The following WNK1 variants were observed in gnomAD, a reference collection of about 807,000 sequenced individuals.
WNK1 encodes the protein WNK lysine deficient protein kinase 1, also known as serine/threonine-protein kinase WNK1.
A neutral mutation model predicts 222.8 loss-of-function variants in WNK1; 38 were observed. That is an observed-to-expected ratio of 0.17 (90% confidence interval 0.13 to 0.22). WNK1 has a LOEUF of 0.22. Ranked by LOEUF, WNK1 falls within the 10% of genes least tolerant of loss-of-function variation. The probability of loss-of-function intolerance (pLI) is 1.00; values close to 1 mark genes in which losing one functional copy is unlikely to be tolerated. For missense variants in WNK1, 2,348 were observed against 2,918.4 expected (o/e 0.80, Z 4.50); for synonymous variants, 1,090 against 1,092.9 (o/e 1.00, Z 0.05).
intron 8 of WNK1, among the ~76,000 whole-genome samples, chr12:870,093 A>T (rs530268815): frequency 7.9e-5 from 12 of 152,226 alleles, no homozygotes; most frequent in Non-Finnish European, 1.8e-4. Flanking sequence ...ACATTTGGAT[A>T]TCCTACATAA....
At chr12:823,737 C>T (rs1386412530) in intron 2 of WNK1, among the ~76,000 whole-genome samples, 1 of 152,010 alleles carries the variant, frequency 6.6e-6, no homozygotes, top group Non-Finnish European at 1.5e-5. Flanking sequence ...CCTATTTAAC[C>T]ATGAGTTGAT....
chr12:846,676 T>A (rs1314164979), intron 4 of WNK1, among the ~76,000 whole-genome samples: 1 of 152,238 alleles, frequency 6.6e-6, no homozygotes, highest in African/African-American at 2.4e-5. Context: ...TTTGTGTAAT[T>A]TGACTTTGTC....
In WNK1 at chr12:832,845, T is replaced by C. The variant is rs923455319; in HGVS notation, c.1311+2685T>C. ...TTGGGCTGAATGGGGGCAGGAGAAA[T>C]TTTTTTATGCCTTCAGATGATTCTG... is the stretch of plus-strand genomic sequence containing the variant. On this transcript the variant is annotated intron_variant, in intron 4 of 27. Coordinates refer to ENST00000315939, the MANE Select transcript of WNK1 (RefSeq NM_018979.4). 3.9e-5 allele frequency among the ~76,000 whole-genome samples: 6 copies of C among 152,266 alleles called. No individual in the cohort carries two copies. In the South Asian group the frequency reaches 1.2e-3, roughly 32 times the overall value.
At chr12:793,000 A>G (rs1274603666) in intron 1 of WNK1, among the ~76,000 whole-genome samples, 1 of 152,176 alleles carries the variant, frequency 6.6e-6, no homozygotes, top group African/African-American at 2.4e-5. Flanking sequence ...ACAAGGTTTA[A>G]ATGAGACTAC....
Position 861,054 on chromosome 12 carries a change from G to A in WNK1, c.1662G>A (p.Met554Ile), listed in dbSNP as rs1321276112. The A allele has an allele frequency of 2.5e-6, 4 of 1,613,596 alleles. No homozygotes were observed. In the Admixed American group the frequency reaches 6.7e-5, roughly 27 times the overall value. ...TCTGTGAAGGTGATCACAAGACCAT[G>A]GCTAAAGCTATCAAAGACAGAGTAT... is the stretch of plus-strand genomic sequence containing the variant. The part of the protein sequence containing the change: ...GYVCEGDHKT[M>I]AKAIKDRVSL... Residue 554 changes from methionine (M) to isoleucine (I), a missense_variant, in exon 7 of 28, where the codon ATG (methionine) becomes ATA (isoleucine). Physicochemically the swap from Met to Ile is conservative, Grantham distance 10. Around this residue, in one of 13 missense-constraint regions of WNK1, gnomAD observed 103 missense variants for 111.5 expected, o/e 0.92. Coordinates refer to ENST00000315939, the MANE Select transcript of WNK1 (RefSeq NM_018979.4).
At chr12:781,722 T>C (rs1943730686) in intron 1 of WNK1, among the ~76,000 whole-genome samples, 1 of 152,306 alleles carries the variant, frequency 6.6e-6, no homozygotes, top group Admixed American at 6.5e-5. Context: ...TTGAAAGATA[T>C]TTTGTGGAGA....
chr12:829,752 A>T (rs954137534), intron 3 of WNK1, among the ~76,000 whole-genome samples: 15 of 152,240 alleles, frequency 9.9e-5, no homozygotes, highest in Non-Finnish European at 1.6e-4. Context: ...CATTTTACAC[A>T]GTAAATCAAT....
intron 9 of WNK1, among the ~76,000 whole-genome samples, chr12:876,858 G>T (rs983945492): frequency 6.6e-6 from 1 of 151,862 alleles, no homozygotes; most frequent in Non-Finnish European, 1.5e-5. Flanking sequence ...GGCCACTTAC[G>T]CATAGAAAAA....
chr12:767,250 T>TTG (rs1941857955), intron 1 of WNK1, among the ~76,000 whole-genome samples: 1 of 128,844 alleles, frequency 7.8e-6, no homozygotes, highest in Non-Finnish European at 1.6e-5. Flanking sequence ...TTTTTTTTTT[T>TTG]TTTTTTTTTT....
Position 883,829 on chromosome 12 carries a change from T to C in WNK1, c.3719T>C (p.Ile1240Thr). ...CCTGCGTCTTCCATGCCACAGCAAATAGGTGAATTTATTTTCTTTCCTTGT... is the reference window on the plus strand; with the variant it reads ...CCTGCGTCTTCCATGCCACAGCAAACAGGTGAATTTATTTTCTTTCCTTGT... ...PIPASSMPQQ[I>T]GIPTSSLTQV... is the part of the protein sequence containing the mutation. Residue 1240 changes from isoleucine (I) to threonine (T), a missense_variant and splice_region_variant, in exon 17 of 28, where the codon ATA becomes ACA. Physicochemically the swap from Ile to Thr is moderately conservative, Grantham distance 89 (BLOSUM62 -1). Coordinates refer to ENST00000315939, the MANE Select transcript of WNK1 (RefSeq NM_018979.4). The C allele has an allele frequency of 1.2e-6, 2 of 1,613,814 alleles. No homozygotes were observed. Among genetic ancestry groups the C allele is most frequent in the Non-Finnish European group, 1.7e-6 (2 of 1,180,004 alleles).
chr12:887,623 A>G (rs1953796347), intron 20 of WNK1, among the ~76,000 whole-genome samples: 1 of 152,188 alleles, frequency 6.6e-6, no homozygotes, highest in African/African-American at 2.4e-5. Flanking sequence ...CTTCTGTAGA[A>G]TAGCGAAATT....
At chr12:814,909 A>G (rs1052363297) in intron 2 of WNK1, among the ~76,000 whole-genome samples, 1 of 152,174 alleles carries the variant, frequency 6.6e-6, no homozygotes, top group African/African-American at 2.4e-5. Flanking sequence ...CAACTGTCCC[A>G]TCTGGGGGTG....
In WNK1 at chr12:757,901, T is replaced by C. The variant is rs573989952; in HGVS notation, c.759+3577T>C. Among the ~76,000 whole-genome samples the C allele has an allele frequency of 4.3e-4, 63 of 145,216 alleles. 1 individual carries two copies. The highest frequency in any genetic ancestry group is 7.4e-3 in the Middle Eastern group (2 of 272). ...AAATACAAAAATTAGCTGGGCGTGGTCCGCACGCCTGTAATCCCAGCTACT... is the reference window on the plus strand; with the variant it reads ...AAATACAAAAATTAGCTGGGCGTGGCCCGCACGCCTGTAATCCCAGCTACT... On this transcript the variant is annotated intron_variant, in intron 1 of 27. Transcript: ENST00000315939.
intron 2 of WNK1, among the ~76,000 whole-genome samples, chr12:814,233 G>T (rs1947148010): frequency 6.6e-6 from 1 of 151,456 alleles, no homozygotes; most frequent in Non-Finnish European, 1.5e-5. Context: ...GGAGGCTGAG[G>T]CAGGAGAATC....
In WNK1 at chr12:896,259, T is replaced by C. The variant is rs778088414; in HGVS notation, c.5772T>C (p.Ser1924=). Residue 1924 remains serine, a synonymous_variant, in exon 24 of 28, where the codon AGT becomes AGC. Transcript: ENST00000315939. ...GTATCTCTTCAGATGTGCCAGAGAGTGCCCACAAAACTACTGCCTCAGAGG... is the reference window on the plus strand; with the variant it reads ...GTATCTCTTCAGATGTGCCAGAGAGCGCCCACAAAACTACTGCCTCAGAGG... ...IPGISSDVPE[S]AHKTTASEAK... 6.2e-6 allele frequency: 10 copies of C among 1,613,952 alleles called. No homozygotes were observed. The South Asian group carries it at 9.9e-5, about 16-fold the overall frequency.
chr12:768,997 A>G (rs1175861631), intron 1 of WNK1, among the ~76,000 whole-genome samples: 1 of 151,892 alleles, frequency 6.6e-6, no homozygotes, highest in African/African-American at 2.4e-5. Context: ...TTTAGTAGAG[A>G]TGGGGTTTCA....
chr12:863,329 A>C (rs1483484082), intron 8 of WNK1, among the ~76,000 whole-genome samples: 1 of 152,194 alleles, frequency 6.6e-6, no homozygotes, highest in East Asian at 1.9e-4. Context: ...GCTAGGTCTC[A>C]AAATGAATGG....
intron 8 of WNK1, chr12:865,056 T>C (rs1452391087): frequency 1.4e-6 from 2 of 1,443,678 alleles, no homozygotes; most frequent in African/African-American, 1.4e-5. Flanking sequence ...TACTTTTGTT[T>C]ATTTTGTTTT....
chr12:852,943 A>T (rs904606485), intron 4 of WNK1, among the ~76,000 whole-genome samples: 3 of 152,158 alleles, frequency 2.0e-5, no homozygotes, highest in Admixed American at 2.0e-4. Context: ...TGCTTCTTAA[A>T]TGATTCAGAA....
Sources: gnomAD v4.1 joint callset for allele counts (sites outside exome capture counted in the v4.1 genomes callset) on GRCh38, gnomAD v4.1.1 for gene constraint, gnomAD v4.1.1 regional missense constraint, MANE v1.5 for transcripts, NCBI Gene and HGNC (gene_info 2026-07-23, HGNC 2026-07-21) for gene names.